SUGCT: variants seen among roughly 807,000 people sequenced by gnomAD.
SUGCT encodes the protein succinyl-CoA:glutarate CoA-transferase.
Under a neutral mutation model 55.0 loss-of-function variants are expected in SUGCT, and 41 were observed. The observed-to-expected ratio is 0.74, with a 90% CI of 0.58 to 0.97. The LOEUF is 0.97. Ranked by LOEUF, SUGCT falls within the 50% of genes least tolerant of loss-of-function variation. The probability of loss-of-function intolerance (pLI) is 0.00; values close to 1 mark genes in which losing one functional copy is unlikely to be tolerated. For missense variants in SUGCT, 568 were observed against 547.8 expected (o/e 1.04, Z -0.37); for synonymous variants, 187 against 200.4 (o/e 0.93, Z 0.56).
At chr7:40,182,442 A>C (rs1785269534) in intron 3 of SUGCT, among the ~76,000 whole-genome samples, 1 of 151,870 alleles carries the variant, frequency 6.6e-6, no homozygotes, top group African/African-American at 2.4e-5. Context: ...TGGACCTGTA[A>C]TTGCAGCTAC....
rs189081738 is a variant in SUGCT, at chr7:40,222,685, T to C, written c.485-14950T>C. 2.6e-5 allele frequency among the ~76,000 whole-genome samples: 4 copies of C among 152,272 alleles called. No individual in the cohort carries two copies. In the East Asian group the frequency reaches 5.8e-4, roughly 22 times the overall value. On this transcript the variant is annotated intron_variant, in intron 6 of 13. Transcript: ENST00000335693. Reference sequence around the variant, plus strand: ...GGCGAAACTCTATCTTTACTAAAAATACAAAAATTAGCTGGGTGTGGTGTG... The same window carrying C: ...GGCGAAACTCTATCTTTACTAAAAACACAAAAATTAGCTGGGTGTGGTGTG...
Position 40,188,464 on chromosome 7 carries a change from A to G in SUGCT, c.227-31A>G, listed in dbSNP as rs750745276. The G allele has an allele frequency of 7.7e-6, 10 of 1,291,958 alleles. No individual in the cohort carries two copies. The East Asian group carries it at 2.2e-4, about 28-fold the overall frequency. 80.0% of individuals were successfully genotyped at this position (1,291,958 alleles called of 1,614,324 possible). A position where few individuals can be genotyped will look rare whatever the true frequency, so the allele number is the denominator to read the frequency against. ...AAAAAAAAAAAAAAAAACAAACCCC[A>G]AAGATTAATAGCTCATGTTATTATT... is the stretch of plus-strand genomic sequence containing the variant. On this transcript the variant is annotated intron_variant, in intron 3 of 13. Coordinates refer to ENST00000335693, the MANE Select transcript of SUGCT (RefSeq NM_001193313.2).
chr7:40,754,647 A>C (rs1006884271), intron 13 of SUGCT, among the ~76,000 whole-genome samples: 34 of 152,148 alleles, frequency 2.2e-4, no homozygotes, highest in Non-Finnish European at 8.8e-5. Flanking sequence ...TACCAGGGAG[A>C]CCTCACTTAG....
At chr7:40,877,044 A>G in the SUGCT span, among the ~76,000 whole-genome samples, 4 of 152,190 alleles carry the variant, frequency 2.6e-5, no homozygotes, top group Non-Finnish European at 5.9e-5. Flanking sequence ...ACAAAGTTCA[A>G]AATCATTTAA....
At chr7:40,704,516 C>T (rs1785307209) in intron 12 of SUGCT, among the ~76,000 whole-genome samples, 1 of 152,058 alleles carries the variant, frequency 6.6e-6, no homozygotes, top group African/African-American at 2.4e-5. Flanking sequence ...GTAGAGGTCA[C>T]ATAGCATAAC....
intron 4 of SUGCT, 27 bp from the exon 5 acceptor site, chr7:40,189,517 T>A (rs748794572): frequency 2.4e-5 from 20 of 830,392 alleles, no homozygotes; most frequent in Non-Finnish European, 3.2e-5. Flanking sequence ...CGAAATAATA[T>A]ATATATATAT....
At chr7:41,008,529 A>T in the SUGCT span, among the ~76,000 whole-genome samples, 1 of 152,088 alleles carries the variant, frequency 6.6e-6, no homozygotes, top group African/African-American at 2.4e-5. Flanking sequence ...CTCCAAGTCA[A>T]CACTCATGCC....
At chr7:40,685,027 A>G (rs960769730) in intron 12 of SUGCT, among the ~76,000 whole-genome samples, 3 of 151,008 alleles carry the variant, frequency 2.0e-5, no homozygotes, top group East Asian at 1.9e-4. Context: ...TTTTATTTTT[A>G]TTTTTTTTCA....
At chr7:40,958,660 C>A in the SUGCT span, among the ~76,000 whole-genome samples, 3 of 152,114 alleles carry the variant, frequency 2.0e-5, no homozygotes, top group African/African-American at 7.2e-5. Flanking sequence ...AAGCCTATGT[C>A]TGTCAATTCA....
chr7:40,762,864 G>A (rs1235013318), intron 13 of SUGCT, among the ~76,000 whole-genome samples: 2 of 151,340 alleles, frequency 1.3e-5, no homozygotes, highest in Non-Finnish European at 2.9e-5. Context: ...CTGGAGTGCA[G>A]TGCACTGGCA....
intron 13 of SUGCT, among the ~76,000 whole-genome samples, chr7:40,759,615 A>G (rs1788433659): frequency 1.3e-5 from 2 of 152,066 alleles, no homozygotes. Context: ...AAGTTGAGCC[A>G]AAAAGGGAAG....
the SUGCT span, among the ~76,000 whole-genome samples, chr7:41,026,818 G>T: frequency 2.0e-5 from 3 of 152,118 alleles, no homozygotes; most frequent in African/African-American, 7.2e-5. Flanking sequence ...TAGATCATGA[G>T]GTCAGGAATT....
intron 7 of SUGCT, among the ~76,000 whole-genome samples, chr7:40,242,906 CATATAT>C (rs1159693206): frequency 0.026 from 851 of 32,192 alleles, 36 homozygotes; most frequent in East Asian, 0.1. Flanking sequence ...TGCTATGTGG[CATATAT>C]ATATATATAT....
intron 6 of SUGCT, among the ~76,000 whole-genome samples, chr7:40,207,693 T>G (rs1787060413): frequency 6.6e-6 from 1 of 151,970 alleles, no homozygotes. Flanking sequence ...GGCGGGCACC[T>G]GTAATCCCAG....
chr7:40,500,828 A>G (rs1412173038), intron 12 of SUGCT, among the ~76,000 whole-genome samples: 1 of 151,934 alleles, frequency 6.6e-6, no homozygotes, highest in Non-Finnish European at 1.5e-5. Flanking sequence ...CCCCCAAAAT[A>G]CAGTTATTTT....
intron 9 of SUGCT, among the ~76,000 whole-genome samples, chr7:40,381,426 A>T (rs1334809316): frequency 6.6e-6 from 1 of 151,668 alleles, no homozygotes; most frequent in Non-Finnish European, 1.5e-5. Context: ...ATAAAGTATT[A>T]TTATGAAACT....
chr7:40,621,343 G>A (rs1156649915), intron 12 of SUGCT, among the ~76,000 whole-genome samples: 1 of 152,106 alleles, frequency 6.6e-6, no homozygotes, highest in East Asian at 1.9e-4. Context: ...CTTTCTCCTT[G>A]TAATGATCAG....
At chr7:40,506,240 A>G (rs941084470) in intron 12 of SUGCT, among the ~76,000 whole-genome samples, 2 of 152,106 alleles carry the variant, frequency 1.3e-5, no homozygotes, top group Non-Finnish European at 2.9e-5. Context: ...TTAGTTTGCC[A>G]TCTTTTTTGA....
chr7:40,847,533 T>C (rs1421049667), intron 13 of SUGCT, among the ~76,000 whole-genome samples: 2 of 151,284 alleles, frequency 1.3e-5, no homozygotes, highest in Non-Finnish European at 2.9e-5. Context: ...TCTCCTGCTT[T>C]AGCCTCCTGA....
Sources: gnomAD v4.1 joint callset for allele counts (sites outside exome capture counted in the v4.1 genomes callset) on GRCh38, gnomAD v4.1.1 for gene constraint, MANE v1.5 for transcripts, NCBI Gene and HGNC (gene_info 2026-07-23, HGNC 2026-07-21) for gene names.